The following BTNL8 variants were observed in gnomAD, a reference collection of about 807,000 sequenced individuals.
BTNL8 encodes butyrophilin-like protein 8.
BTNL8 carries 22 observed loss-of-function variants against 36.1 expected under a neutral mutation model. The observed-to-expected ratio is 0.61, with a 90% CI of 0.44 to 0.87. The LOEUF is 0.87. BTNL8 is among the 40% of genes least tolerant of loss of function. The pLI is 0.00. For missense variants in BTNL8, 526 were observed against 616.9 expected, an observed-to-expected ratio of 0.85 and a Z score of 1.56; for synonymous variants, 203 against 235.6, an observed-to-expected ratio of 0.86 and a Z score of 1.27.
Position 180,949,861 on chromosome 5 carries a change from T to C in BTNL8, c.863-43T>C, listed in dbSNP as rs1164437174. Reference sequence around the variant, plus strand: ...ACCTCTTGCTCCAGCCCAGATTTCGTCTTCAGTAACTCATGCTTCCTCTCT... The same window carrying C: ...ACCTCTTGCTCCAGCCCAGATTTCGCCTTCAGTAACTCATGCTTCCTCTCT... On this transcript the variant is annotated intron_variant, in intron 7 of 7. Coordinates refer to ENST00000340184, the MANE Select transcript of BTNL8 (RefSeq NM_001040462.3). 3 of 1,422,442 alleles carry C rather than the reference T, an allele frequency of 2.1e-6. 1 individual carries two copies. Among genetic ancestry groups the C allele is most frequent in the Non-Finnish European group, 2.9e-6 (3 of 1,033,986 alleles). 88.1% of individuals were successfully genotyped at this position (1,422,442 alleles called of 1,614,324 possible).
intron 1 of BTNL8, among the ~76,000 whole-genome samples, chr5:180,906,543 G>A (rs1342100080): frequency 8.0e-6 from 1 of 124,444 alleles, no homozygotes; most frequent in Admixed American, 7.8e-5. Flanking sequence ...ATATTGTTAT[G>A]TGTGAATTTG....
intron 3 of BTNL8, among the ~76,000 whole-genome samples, chr5:180,924,595 C>A (rs1257355032): frequency 6.6e-6 from 1 of 152,224 alleles, no homozygotes; most frequent in Non-Finnish European, 1.5e-5. Flanking sequence ...ACCCAACACC[C>A]ACATCTGCCT....
In BTNL8 at chr5:180,950,005, G is replaced by A; in HGVS notation, c.964G>A (p.Glu322Lys). 6.8e-7 allele frequency: 1 copy of A among 1,462,624 alleles called. No individual in the cohort carries two copies. The allele number at this position is 1,462,624 out of a possible 1,614,324, so 90.6% of individuals were successfully genotyped here. The change falls in exon 8 of 8, where the codon GAG (glutamate) becomes AAG (lysine). Residue 322 changes from glutamate to lysine, a missense_variant. Physicochemically the swap from Glu to Lys is moderately conservative, Grantham distance 56. This residue lies in a region of BTNL8 where 176 missense variants were observed against 292.3 expected (regional missense o/e 0.60). Transcript: ENST00000340184. ...RKAPQEVPHSEKRFTRKSVVA... is the reference protein window; with the variant it reads ...RKAPQEVPHSKKRFTRKSVVA... ...AGCTCCCCAGGAGGTGCCTCACTCT[G>A]AGAAGAGATTTACAAGGAAGAGTGT...
chr5:180,936,956 G>A (rs1299881702), intron 3 of BTNL8, among the ~76,000 whole-genome samples: 1 of 152,186 alleles, frequency 6.6e-6, no homozygotes, highest in Non-Finnish European at 1.5e-5. Flanking sequence ...CTGGAACAGT[G>A]GAGGCACCAC....
chr5:180,921,572 T>C (rs549776293), intron 3 of BTNL8, among the ~76,000 whole-genome samples: 1 of 152,082 alleles, frequency 6.6e-6, no homozygotes, highest in South Asian at 2.1e-4. Flanking sequence ...TCTGGAGATC[T>C]ACTATACAGC....
chr5:180,909,406 T>C (rs940013152), intron 2 of BTNL8, among the ~76,000 whole-genome samples: 2 of 152,222 alleles, frequency 1.3e-5, no homozygotes, highest in African/African-American at 2.4e-5. Flanking sequence ...CTTATGAACA[T>C]TTATTTTTAA....
chr5:180,945,407 A>T (rs1206580569), intron 3 of BTNL8, among the ~76,000 whole-genome samples: 3 of 152,272 alleles, frequency 2.0e-5, no homozygotes, highest in African/African-American at 2.4e-5. Flanking sequence ...CTTGGCAATA[A>T]TTTTTTTGAA....
At chr5:180,933,293 T>A (rs570177365) in intron 3 of BTNL8, among the ~76,000 whole-genome samples, 6 of 152,184 alleles carry the variant, frequency 3.9e-5, no homozygotes, top group Non-Finnish European at 7.4e-5. Context: ...TTAAACTACA[T>A]GTTAGAGCAA....
chr5:180,913,545 G>A (rs531140172), intron 3 of BTNL8, among the ~76,000 whole-genome samples: 1 of 152,148 alleles, frequency 6.6e-6, no homozygotes, highest in Non-Finnish European at 1.5e-5. Flanking sequence ...TGATATTAAG[G>A]GTGTAAGGTG....
intron 3 of BTNL8, among the ~76,000 whole-genome samples, chr5:180,921,461 A>G (rs1351764562): frequency 6.6e-6 from 1 of 152,110 alleles, no homozygotes; most frequent in African/African-American, 2.4e-5. Flanking sequence ...TCATAGAATC[A>G]TAGAGCATAA....
chr5:180,950,411 T>C lies in BTNL8; in HGVS notation c.1370T>C (p.Ile457Thr), dbSNP rs769739300. The change falls in exon 8 of 8, where the codon ATA becomes ACA. Residue 457 changes from isoleucine to threonine, a missense_variant. Physicochemically the swap from Ile to Thr is moderately conservative, Grantham distance 89. Transcript: ENST00000340184. Reference protein sequence around the residue: ...PSYNEQNGTPIVICPVTQESE... With the variant: ...PSYNEQNGTPTVICPVTQESE... ...TATAATGAGCAAAATGGAACTCCCA[T>C]AGTCATCTGCCCAGTCACCCAGGAA... 8.9e-6 allele frequency: 13 copies of C among 1,463,100 alleles called. 1 individual carries two copies. The highest frequency in any genetic ancestry group is 1.2e-5 in the Non-Finnish European group (13 of 1,058,978). 90.6% of individuals were successfully genotyped at this position (1,463,100 alleles called of 1,614,324 possible).
chr5:180,931,991 A>G (rs1451582281), intron 3 of BTNL8, among the ~76,000 whole-genome samples: 1 of 152,262 alleles, frequency 6.6e-6, no homozygotes, highest in Middle Eastern at 3.2e-3. Context: ...TCATTCTACT[A>G]TAAAGACACA....
chr5:180,917,446 T>C (rs867514864), intron 3 of BTNL8, among the ~76,000 whole-genome samples: 1 of 130,810 alleles, frequency 7.6e-6, no homozygotes, highest in South Asian at 2.7e-4. Flanking sequence ...ACTACGGCAC[T>C]ATGAAAAATC....
chr5:180,947,492 T>C lies in BTNL8; in HGVS notation c.674-20T>C. ...CTTTTGTTCACCAATAACTAAAATG[T>C]CTGTGGGATTGTTTTTCAGATACCT... On this transcript the variant is annotated intron_variant, in intron 3 of 7. Transcript: ENST00000340184. 5.6e-6 allele frequency: 9 copies of C among 1,610,534 alleles called. No individual in the cohort carries two copies. The highest frequency in any genetic ancestry group is 6.8e-6 in the Non-Finnish European group (8 of 1,176,936).
At position 180,949,956 on chromosome 5, in the gene BTNL8, T is replaced by G. The variant is rs371559877; in HGVS notation, c.915T>G (p.Asp305Glu). The change falls in exon 8 of 8, where the codon GAT (aspartate) becomes GAG (glutamate). Residue 305 changes from aspartate to glutamate, a missense_variant. This residue lies in a region of BTNL8 where 176 missense variants were observed against 292.3 expected (regional missense o/e 0.60). Transcript: ENST00000340184. ...ETAHPKLCVS[D>E]LKTVTHRKAP... The stretch of plus-strand genomic sequence containing the variant: ...CTCACCCGAAGCTCTGCGTTTCTGA[T>G]CTGAAAACTGTAACCCATAGAAAAG... The G allele has an allele frequency of 6.2e-6, 9 of 1,461,462 alleles. No homozygotes were observed. In the East Asian group the frequency reaches 2.0e-4, roughly 32 times the overall value. The allele number at this position is 1,461,462 out of a possible 1,614,324, so 90.5% of individuals were successfully genotyped here.
At chr5:180,939,432 A>C (rs796310331) in intron 3 of BTNL8, among the ~76,000 whole-genome samples, 32 of 152,332 alleles carry the variant, frequency 2.1e-4, no homozygotes, top group African/African-American at 7.7e-4. Context: ...GATAGATTTT[A>C]AGTCAAAAAC....
rs1756717371 is a variant in BTNL8 at position 180,899,188 on chromosome 5, C to T, written c.-123C>T. On this transcript the variant is annotated 5_prime_UTR_variant, in exon 1 of 8. Coordinates refer to ENST00000340184, the MANE Select transcript of BTNL8 (RefSeq NM_001040462.3). ...CAGCGCAGTTTGCCCTCCGCTCACGCAGAGCCTCTCCGTGGCTTCCGCACC... is the reference window on the plus strand; with the variant it reads ...CAGCGCAGTTTGCCCTCCGCTCACGTAGAGCCTCTCCGTGGCTTCCGCACC... 8.6e-7 allele frequency: 1 copy of T among 1,163,934 alleles called. No homozygotes were observed. Among genetic ancestry groups the T allele is most frequent in the African/African-American group, 1.5e-5 (1 of 65,944 alleles). 72.1% of individuals were successfully genotyped at this position (1,163,934 alleles called of 1,614,324 possible). A position where few individuals can be genotyped will look rare whatever the true frequency, so the allele number is the denominator to read the frequency against.
intron 3 of BTNL8, among the ~76,000 whole-genome samples, chr5:180,919,285 G>C (rs1426512215): frequency 3.3e-5 from 5 of 152,302 alleles, no homozygotes; most frequent in Admixed American, 3.3e-4. Flanking sequence ...ACTCCAAAGG[G>C]AAGAGGACAT....
intron 3 of BTNL8, among the ~76,000 whole-genome samples, chr5:180,925,071 GA>G (rs2113815283): frequency 6.6e-6 from 1 of 152,192 alleles, no homozygotes; most frequent in South Asian, 2.1e-4. Flanking sequence ...CACTGGGCTT[GA>G]AGACTGGATA....
Sources: allele counts gnomAD v4.1 joint callset (sites outside exome capture counted in the v4.1 genomes callset), GRCh38; gene constraint gnomAD v4.1.1; regional missense constraint gnomAD v4.1.1; transcripts MANE v1.5; gene names NCBI Gene and HGNC (gene_info 2026-07-23, HGNC 2026-07-21).